Variants in URB2 observed in about 807,000 individuals in gnomAD.
URB2 encodes URB2 ribosome biogenesis homolog, also known as unhealthy ribosome biogenesis protein 2 homolog.
Under a neutral mutation model 120.9 loss-of-function variants are expected in URB2, and 86 were observed. That is an observed-to-expected ratio of 0.71 (90% confidence interval 0.60 to 0.85). URB2 has a LOEUF of 0.85. Ranked by LOEUF, URB2 falls within the 40% of genes least tolerant of loss-of-function variation. URB2 has a pLI of 0.00. For synonymous variants in URB2, 755 were observed against 758.4 expected (o/e 1.00, Z 0.07); for missense variants, 1,765 against 1,836.5 (o/e 0.96, Z 0.71).
intron 4 of URB2, among the ~76,000 whole-genome samples, chr1:229,641,829 C>T (rs1159109476): frequency 6.6e-6 from 1 of 152,044 alleles, no homozygotes; most frequent in African/African-American, 2.4e-5. Context: ...TGAGACCAAC[C>T]TGGGTGAAAA....
intron 8 of URB2, among the ~76,000 whole-genome samples, chr1:229,652,414 C>T (rs1282020340): frequency 6.6e-6 from 1 of 151,988 alleles, no homozygotes; most frequent in African/African-American, 2.4e-5. Flanking sequence ...AGCTTCTCTC[C>T]CACCATTGTG....
At chr1:229,627,592 T>A (rs1208672711) in intron 1 of URB2, 29 bp from the exon 2 acceptor site, 3 of 1,580,162 alleles carry the variant, frequency 1.9e-6, no homozygotes, top group South Asian at 2.3e-5. Context: ...TGTTATAGTA[T>A]TTTTTTTCCC....
At chr1:229,651,437 G>A (rs1235285370) in intron 8 of URB2, 115 bp downstream of exon 8, 1 of 757,728 alleles carries the variant, frequency 1.3e-6, no homozygotes, top group Non-Finnish European at 1.9e-6. Context: ...TAAGAGAAAT[G>A]ATATCAAATG....
In URB2 at chr1:229,659,716, A is replaced by G. The variant is rs1399904913; in HGVS notation, c.*419A>G. On this transcript the variant is annotated 3_prime_UTR_variant, in exon 10 of 10. Transcript: ENST00000258243. ...CTGTTTAAATATACTTGCCTTTCAAATTCTTCAAGTAACATGGGAAGTATT... is the reference window on the plus strand; with the variant it reads ...CTGTTTAAATATACTTGCCTTTCAAGTTCTTCAAGTAACATGGGAAGTATT... 6.5e-6 allele frequency: 1 copy of G among 154,384 alleles called. No homozygotes were observed. The highest frequency in any genetic ancestry group is 1.4e-5 in the Non-Finnish European group (1 of 69,468). The allele number at this position is 154,384 out of a possible 1,614,324, so 9.6% of individuals were successfully genotyped here.
At chr1:229,651,722 G>A (rs982080287) in intron 8 of URB2, among the ~76,000 whole-genome samples, 16 of 152,196 alleles carry the variant, frequency 1.1e-4, no homozygotes, top group African/African-American at 3.6e-4. Context: ...AAAGGGATAA[G>A]GTCCTGCCGC....
intron 5 of URB2, 143 bp from the exon 6 acceptor site, chr1:229,645,716 C>T (rs1666126153): frequency 2.8e-6 from 2 of 708,288 alleles, no homozygotes; most frequent in Admixed American, 4.1e-5. Context: ...TAACCCCAAG[C>T]AGGCCTTGTC....
rs1666478497 is a variant in URB2 at position 229,659,676 on chromosome 1, G to T, written c.*379G>T. 6.0e-6 allele frequency: 1 copy of T among 166,052 alleles called. No homozygotes were observed. Among genetic ancestry groups the T allele is most frequent in the African/African-American group, 2.4e-5 (1 of 41,862 alleles). 10.3% of individuals were successfully genotyped at this position (166,052 alleles called of 1,614,324 possible). On this transcript the variant is annotated 3_prime_UTR_variant, in exon 10 of 10. Transcript: ENST00000258243. The stretch of plus-strand genomic sequence containing the variant: ...TTGGCTTTTTACTTTGGGTACATGG[G>T]CGTATAATTCAGCCCTGTTTAAATA...
intron 1 of URB2, among the ~76,000 whole-genome samples, chr1:229,627,278 C>T (rs1665518482): frequency 6.6e-6 from 1 of 152,224 alleles, no homozygotes; most frequent in Non-Finnish European, 1.5e-5. Flanking sequence ...GTATGAATGA[C>T]TCTTTCCACA....
chr1:229,655,205 C>T (rs139605376), intron 9 of URB2, among the ~76,000 whole-genome samples: 1 of 152,276 alleles, frequency 6.6e-6, no homozygotes, highest in East Asian at 1.9e-4. Context: ...CTTTTTGATT[C>T]AGTGTTCTGG....
chr1:229,635,643 C>A lies in URB2; in HGVS notation c.1030C>A (p.Gln344Lys). ...CLKISHLQEEQSKALSTSDWT... is the reference protein window; with the variant it reads ...CLKISHLQEEKSKALSTSDWT... ...GAAGATTTCACACCTGCAGGAGGAG[C>A]AGAGCAAAGCCCTGTCCACATCAGA... The change falls in exon 4 of 10, where the codon CAG becomes AAG. Residue 344 changes from glutamine to lysine, a missense_variant. By Grantham distance (53) the Gln-to-Lys change is moderately conservative. Coordinates refer to ENST00000258243, the MANE Select transcript of URB2 (RefSeq NM_014777.4). 1 of 1,614,106 alleles carries A rather than the reference C, an allele frequency of 6.2e-7. No individual in the cohort carries two copies. The highest frequency in any genetic ancestry group is 8.5e-7 in the Non-Finnish European group (1 of 1,180,022).
chr1:229,643,921 G>T (rs542443186), intron 5 of URB2, among the ~76,000 whole-genome samples: 1 of 152,356 alleles, frequency 6.6e-6, no homozygotes, highest in East Asian at 1.9e-4. Context: ...AATAACAAAT[G>T]TGTTGTCTTA....
At chr1:229,640,502 T>G (rs1171992273) in intron 4 of URB2, among the ~76,000 whole-genome samples, 1 of 152,100 alleles carries the variant, frequency 6.6e-6, no homozygotes, top group African/African-American at 2.4e-5. Flanking sequence ...TGAGGTGAGG[T>G]CTGGAAGTCA....
chr1:229,637,357 T>C lies in URB2; in HGVS notation c.2744T>C (p.Val915Ala). 1 of 1,614,192 alleles carries C rather than the reference T, an allele frequency of 6.2e-7. No homozygotes were observed. The highest frequency in any genetic ancestry group is 8.5e-7 in the Non-Finnish European group (1 of 1,180,036). ...QLDSLLPPYHVHYFLVLLSMA... is the reference protein window; with the variant it reads ...QLDSLLPPYHAHYFLVLLSMA... Reference sequence around the variant, plus strand: ...GACAGCCTCTTGCCACCCTATCATGTGCATTATTTTCTTGTGTTACTGTCC... The same window carrying C: ...GACAGCCTCTTGCCACCCTATCATGCGCATTATTTTCTTGTGTTACTGTCC... Residue 915 changes from valine to alanine, a missense_variant, in exon 4 of 10, where the codon GTG becomes GCG. By Grantham distance (64) the Val-to-Ala change is moderately conservative. Transcript: ENST00000258243.
At position 229,637,435 on chromosome 1, in the gene URB2, T is replaced by C. The variant is rs1318181069; in HGVS notation, c.2822T>C (p.Phe941Ser). The change falls in exon 4 of 10, where the codon TTC becomes TCC. Residue 941 changes from phenylalanine to serine, a missense_variant. Coordinates refer to ENST00000258243, the MANE Select transcript of URB2 (RefSeq NM_014777.4). ...TGCTCCTCCTCACTGGCTCTCAAGT[T>C]CTTGACGACTTGCTACCAACTTCTT... Reference protein sequence around the residue: ...CSCSSSLALKFLTTCYQLLGY... With the variant: ...CSCSSSLALKSLTTCYQLLGY... 3 of 1,614,190 alleles carry C rather than the reference T, an allele frequency of 1.9e-6. No individual in the cohort carries two copies. In the East Asian group the frequency reaches 6.7e-5, roughly 36 times the overall value.
chr1:229,635,453 C>T lies in URB2; in HGVS notation c.840C>T (p.Thr280=), dbSNP rs144269735. The change falls in exon 4 of 10, where the codon ACC becomes ACT. Residue 280 remains threonine, a synonymous_variant. Transcript: ENST00000258243. ...AGAACCTTCTGGCTCCCATGGACACCGTGCTTAACAGGCTGGTTGATGCTG... is the reference window on the plus strand; with the variant it reads ...AGAACCTTCTGGCTCCCATGGACACTGTGCTTAACAGGCTGGTTGATGCTG... ...AMKNLLAPMD[T]VLNRLVDAGY... 2.3e-5 allele frequency: 37 copies of T among 1,612,778 alleles called. No individual in the cohort carries two copies. The highest frequency in any genetic ancestry group is 8.9e-5 in the East Asian group (4 of 44,880).
intron 9 of URB2, among the ~76,000 whole-genome samples, chr1:229,656,795 A>T (rs1477646222): frequency 1.3e-5 from 2 of 152,188 alleles, no homozygotes; most frequent in African/African-American, 4.8e-5. Flanking sequence ...ATGAGTCCCC[A>T]TGGAAACATG....
intron 2 of URB2, among the ~76,000 whole-genome samples, chr1:229,628,657 G>C (rs1212802149): frequency 1.3e-5 from 2 of 152,206 alleles, no homozygotes; most frequent in Non-Finnish European, 2.9e-5. Flanking sequence ...TTGGGAAGTA[G>C]AGAAATGTTA....
chr1:229,626,952 C>G (rs1665502475), intron 1 of URB2, among the ~76,000 whole-genome samples: 1 of 152,284 alleles, frequency 6.6e-6, no homozygotes, highest in South Asian at 2.1e-4. Flanking sequence ...TTTACTATAA[C>G]TTTTAGGAAA....
chr1:229,654,467 C>T (rs747139009), intron 9 of URB2, 79 bp downstream of exon 9: 173 of 1,586,700 alleles, frequency 1.1e-4, no homozygotes, highest in Non-Finnish European at 1.4e-4. Flanking sequence ...AAATGGCAAG[C>T]GGTGTTCTGG....
Sources: allele counts gnomAD v4.1 joint callset (sites outside exome capture counted in the v4.1 genomes callset), GRCh38; gene constraint gnomAD v4.1.1; transcripts MANE v1.5; gene names NCBI Gene and HGNC (gene_info 2026-07-23, HGNC 2026-07-21).